NRXN3: variants seen among roughly 807,000 people sequenced by gnomAD.
NRXN3 encodes the protein neurexin III.
NRXN3 carries 32 observed loss-of-function variants against 137.6 expected under a neutral mutation model. That is an observed-to-expected ratio of 0.23 (90% CI 0.18 to 0.31). NRXN3 has a LOEUF of 0.31. Ranked by LOEUF, NRXN3 falls within the 10% of genes least tolerant of loss-of-function variation. NRXN3 has a pLI of 1.00. For synonymous variants in NRXN3, 798 were observed against 784.5 expected, an observed-to-expected ratio of 1.02 and a Z score of -0.29; for missense variants, 1,574 against 2,062.5, an observed-to-expected ratio of 0.76 and a Z score of 4.59.
At chr14:78,954,959 A>G (rs2099394161) in intron 10 of NRXN3, among the ~76,000 whole-genome samples, 1 of 152,138 alleles carries the variant, frequency 6.6e-6, no homozygotes, top group Admixed American at 6.6e-5. Flanking sequence ...TTATATCTCT[A>G]TAGGTACTGT....
At chr14:78,616,054 C>A (rs554487709) in intron 4 of NRXN3, among the ~76,000 whole-genome samples, 1 of 152,216 alleles carries the variant, frequency 6.6e-6, no homozygotes, top group Non-Finnish European at 1.5e-5. Context: ...TCACTCATCA[C>A]CTGCATAACT....
intron 19 of NRXN3, among the ~76,000 whole-genome samples, chr14:79,757,179 A>G (rs776667987): frequency 6.6e-6 from 1 of 152,180 alleles, no homozygotes; most frequent in Non-Finnish European, 1.5e-5. Context: ...CTGTGTGCAA[A>G]TTAGTTTTCT....
intron 15 of NRXN3, among the ~76,000 whole-genome samples, chr14:79,015,305 C>A (rs554424860): frequency 1.3e-5 from 2 of 152,290 alleles, no homozygotes; most frequent in South Asian, 4.1e-4. Flanking sequence ...AACAGGATTT[C>A]TTCTTACATC....
intron 10 of NRXN3, among the ~76,000 whole-genome samples, chr14:78,846,685 A>T (rs2099028000): frequency 6.6e-6 from 1 of 152,038 alleles, no homozygotes; most frequent in African/African-American, 2.4e-5. Flanking sequence ...CAGATCCTAG[A>T]CAGTGTCCCT....
At chr14:78,412,595 A>G (rs2092898003) in intron 4 of NRXN3, among the ~76,000 whole-genome samples, 1 of 152,312 alleles carries the variant, frequency 6.6e-6, no homozygotes, top group East Asian at 1.9e-4. Context: ...TGGGGAAACT[A>G]AGGTTAGAAA....
chr14:78,914,859 A>G (rs2099250645), intron 10 of NRXN3, among the ~76,000 whole-genome samples: 1 of 152,114 alleles, frequency 6.6e-6, no homozygotes, highest in African/African-American at 2.4e-5. Flanking sequence ...CGGGAGGTGC[A>G]GGAACATCAT....
At chr14:79,507,610 TC>T (rs2096890584) in intron 16 of NRXN3, among the ~76,000 whole-genome samples, 1 of 152,134 alleles carries the variant, frequency 6.6e-6, no homozygotes, top group African/African-American at 2.4e-5. Flanking sequence ...TTGCTGTAGA[TC>T]TTGAGTAGGC....
At chr14:79,267,193 AAG>A (rs1330110139) in intron 15 of NRXN3, among the ~76,000 whole-genome samples, 3 of 152,138 alleles carry the variant, frequency 2.0e-5, no homozygotes, top group African/African-American at 7.2e-5. Context: ...AAAGGAGAGA[AAG>A]AGAGATAATA....
rs76482125 is a variant in NRXN3 at position 79,453,705 on chromosome 14, C to T, written c.3263-13516C>T. The stretch of plus-strand genomic sequence containing the variant: ...CAGTGAGCTCAAAATGAAACTAACA[C>T]TTTCACATTCTAATCTGTATTTCCT... On this transcript the variant is annotated intron_variant, in intron 15 of 20. Transcript: ENST00000335750. 8.8e-3 allele frequency among the ~76,000 whole-genome samples: 1,344 copies of T among 152,300 alleles called. 27 individuals are homozygous for T. In the East Asian group the frequency reaches 0.096, roughly 11 times the overall value.
intron 10 of NRXN3, among the ~76,000 whole-genome samples, chr14:78,830,704 T>C (rs1404335512): frequency 1.3e-5 from 2 of 152,086 alleles, no homozygotes; most frequent in African/African-American, 4.8e-5. Flanking sequence ...TTTTTTTCAT[T>C]TTCTGAGAAG....
At chr14:79,787,163 T>C (rs1453842142) in intron 19 of NRXN3, among the ~76,000 whole-genome samples, 2 of 152,222 alleles carry the variant, frequency 1.3e-5, no homozygotes, top group Non-Finnish European at 2.9e-5. Context: ...ATTCAAACAT[T>C]AGTTGTTTAT....
At chr14:79,752,964 A>G in intron 19 of NRXN3, among the ~76,000 whole-genome samples, 1 of 152,206 alleles carries the variant, frequency 6.6e-6, no homozygotes, top group East Asian at 1.9e-4. Context: ...AAGACACATG[A>G]AAAAATGCTC....
At chr14:79,125,910 C>A (rs112717037) in intron 15 of NRXN3, among the ~76,000 whole-genome samples, 1,797 of 152,156 alleles carry the variant, frequency 0.012, 30 homozygotes, top group African/African-American at 0.041. Context: ...TTATTTCATA[C>A]GCTTATGCAA....
intron 4 of NRXN3, chr14:78,403,991 G>A: frequency 1.6e-6 from 1 of 644,678 alleles, no homozygotes; most frequent in Non-Finnish European, 1.9e-6. Context: ...AGTGGTATTT[G>A]GAAGCTTAAA....
chr14:79,475,067 C>G (rs1199495543), intron 16 of NRXN3, among the ~76,000 whole-genome samples: 1 of 152,096 alleles, frequency 6.6e-6, no homozygotes, highest in Non-Finnish European at 1.5e-5. Context: ...GAACCAAAGT[C>G]CTAATGGAGG....
intron 8 of NRXN3, among the ~76,000 whole-genome samples, chr14:78,771,242 A>G (rs2098726806): frequency 1.3e-5 from 2 of 152,188 alleles, no homozygotes; most frequent in African/African-American, 4.8e-5. Context: ...GAGGTTTGGT[A>G]GGAAGATTTA....
intron 4 of NRXN3, among the ~76,000 whole-genome samples, chr14:78,420,247 T>A (rs1033280607): frequency 1.3e-5 from 2 of 152,202 alleles, no homozygotes; most frequent in African/African-American, 4.8e-5. Context: ...AAATATATAT[T>A]TTTTAAATCA....
chr14:79,367,475 T>C (rs2093940204), intron 15 of NRXN3, among the ~76,000 whole-genome samples: 1 of 152,192 alleles, frequency 6.6e-6, no homozygotes, highest in Non-Finnish European at 1.5e-5. Flanking sequence ...GGAAGAGACA[T>C]GACAGAAAGC....
intron 19 of NRXN3, among the ~76,000 whole-genome samples, chr14:79,770,350 C>G (rs1008527011): frequency 6.6e-6 from 1 of 151,050 alleles, no homozygotes; most frequent in Non-Finnish European, 1.5e-5. Context: ...CACACCTATT[C>G]CAAAATTGAC....
Sources: allele counts gnomAD v4.1 joint callset (sites outside exome capture counted in the v4.1 genomes callset), GRCh38; gene constraint gnomAD v4.1.1; transcripts MANE v1.5; gene names NCBI Gene and HGNC (gene_info 2026-07-23, HGNC 2026-07-21).